AOX1: variants seen among roughly 807,000 people sequenced by gnomAD.
The protein encoded by AOX1 is aldehyde oxidase 1, also known as aldehyde oxidase.
Under a neutral mutation model 169.5 loss-of-function variants are expected in AOX1, and 153 were observed. The ratio of observed to expected loss-of-function variants is 0.90; its 90% confidence interval spans 0.79 to 1.03. The LOEUF (loss-of-function observed/expected upper bound fraction) is 1.03. Among genes scored for constraint, AOX1 ranks in the 50% least tolerant of loss-of-function variants. The pLI is 0.00. For missense variants in AOX1, 1,656 were observed against 1,663.9 expected, an observed-to-expected ratio of 1.00 and a Z score of 0.08; for synonymous variants, 562 against 581.9, an observed-to-expected ratio of 0.97 and a Z score of 0.49.
rs1207495656 is a variant in AOX1 at position 200,602,291 on chromosome 2, G to A, written c.444G>A (p.Leu148=). 1 of 1,613,828 alleles carries A rather than the reference G, an allele frequency of 6.2e-7. No homozygotes were observed. The highest frequency in any genetic ancestry group is 8.5e-7 in the Non-Finnish European group (1 of 1,179,928). ...DQLTDALGGN[L]CRCTGYRPII... ...TGGGTTTTTCTCCTTCAGGTAACCTGTGCCGTTGCACTGGATACAGGCCCA... is the reference window on the plus strand; with the variant it reads ...TGGGTTTTTCTCCTTCAGGTAACCTATGCCGTTGCACTGGATACAGGCCCA... The change falls in exon 6 of 35, where the codon CTG becomes CTA. Residue 148 remains leucine, a synonymous_variant. Coordinates refer to ENST00000374700, the MANE Select transcript of AOX1 (RefSeq NM_001159.4).
intron 27 of AOX1, among the ~76,000 whole-genome samples, chr2:200,657,952 C>T (rs961052949): frequency 2.6e-5 from 4 of 152,274 alleles, no homozygotes; most frequent in African/African-American, 9.6e-5. Flanking sequence ...TTTTTCCACC[C>T]ACTTTATATA....
At chr2:200,614,851 A>G (rs1417556690) in intron 15 of AOX1, among the ~76,000 whole-genome samples, 2 of 152,214 alleles carry the variant, frequency 1.3e-5, no homozygotes, top group African/African-American at 2.4e-5. Context: ...GAAATCATAG[A>G]TAAGTGACAT....
chr2:200,629,058 A>G (rs1171259094), intron 20 of AOX1, among the ~76,000 whole-genome samples: 2 of 152,188 alleles, frequency 1.3e-5, no homozygotes, highest in African/African-American at 2.4e-5. Flanking sequence ...GAGCTGTGTA[A>G]TATGTCACCA....
chr2:200,627,695 G>A (rs1574934398), intron 20 of AOX1, among the ~76,000 whole-genome samples: 2 of 151,906 alleles, frequency 1.3e-5, no homozygotes, highest in Non-Finnish European at 2.9e-5. Context: ...CCTCATCAAG[G>A]CTCCAGTTGT....
At chr2:200,663,035 C>G in intron 31 of AOX1, 66 bp downstream of exon 31, 2 of 1,258,510 alleles carry the variant, frequency 1.6e-6, no homozygotes, top group Non-Finnish European at 2.3e-6. Flanking sequence ...CAGATGCCAT[C>G]TATCTGAGGA....
rs765053434 is a variant in AOX1 at position 200,642,792 on chromosome 2, C to A, written c.2838C>A (p.Ser946=). The change falls in exon 25 of 35, where the codon TCC becomes TCA. Residue 946 remains serine (S), a synonymous_variant. Transcript: ENST00000374700. ...ITEVAAKCGL[S]PEKVRIINMY... ...AAGTTGCAGCCAAATGTGGACTATC[C>A]CCTGAGAAGGTAATACTAAATCAGC... 6.2e-7 allele frequency: 1 copy of A among 1,612,776 alleles called. No individual in the cohort carries two copies. Among genetic ancestry groups the A allele is most frequent in the Non-Finnish European group, 8.5e-7 (1 of 1,179,402 alleles).
At chr2:200,665,681 C>G (rs749342250) in intron 31 of AOX1, among the ~76,000 whole-genome samples, 1 of 152,210 alleles carries the variant, frequency 6.6e-6, no homozygotes, top group Non-Finnish European at 1.5e-5. Flanking sequence ...ATCTGCCCCC[C>G]TCGGCCTCCC....
Position 200,662,922 on chromosome 2 carries a change from G to A in AOX1, c.3496G>A (p.Ala1166Thr), listed in dbSNP as rs1456075706. 6.2e-7 allele frequency: 1 copy of A among 1,614,124 alleles called. No homozygotes were observed. Among genetic ancestry groups the A allele is most frequent in the East Asian group, 2.2e-5 (1 of 44,882 alleles). Residue 1166 changes from alanine (A) to threonine (T), a missense_variant, in exon 31 of 35, where the codon GCT (alanine) becomes ACT (threonine). Transcript: ENST00000374700. ...GQPFEYFVYGAACSEVEIDCL... is the reference protein window; with the variant it reads ...GQPFEYFVYGTACSEVEIDCL... ...GCCCTTCGAATACTTTGTTTATGGA[G>A]CTGCCTGTTCCGAGGTTGAAATAGA...
chr2:200,603,865 C>A, intron 7 of AOX1, 152 bp from the exon 8 acceptor site: 1 of 600,256 alleles, frequency 1.7e-6, no homozygotes. Flanking sequence ...TGTGTTAGAG[C>A]CCTTGGTTTG....
intron 16 of AOX1, among the ~76,000 whole-genome samples, chr2:200,620,182 G>T (rs1261400975): frequency 6.7e-6 from 1 of 148,204 alleles, no homozygotes; most frequent in Non-Finnish European, 1.5e-5. Flanking sequence ...TTATTGTCTT[G>T]GTGTTATTAA....
At chr2:200,611,561 T>C (rs778450260) in intron 13 of AOX1, 68 bp downstream of exon 13, 6 of 1,034,738 alleles carry the variant, frequency 5.8e-6, no homozygotes, top group Middle Eastern at 2.0e-4. Context: ...TTCCAGTATA[T>C]GGTGGAATAA....
chr2:200,664,556 A>C (rs2035892337), intron 31 of AOX1, among the ~76,000 whole-genome samples: 1 of 152,266 alleles, frequency 6.6e-6, no homozygotes, highest in Non-Finnish European at 1.5e-5. Context: ...TAATTAGCCT[A>C]GTATGAAATT....
At chr2:200,658,006 G>C (rs2035729457) in intron 27 of AOX1, among the ~76,000 whole-genome samples, 1 of 152,306 alleles carries the variant, frequency 6.6e-6, no homozygotes, top group Non-Finnish European at 1.5e-5. Context: ...TTACAATCAT[G>C]AATTGTATGT....
At chr2:200,660,535 A>G (rs1219298654) in intron 29 of AOX1, among the ~76,000 whole-genome samples, 2 of 152,210 alleles carry the variant, frequency 1.3e-5, no homozygotes, top group Non-Finnish European at 2.9e-5. Flanking sequence ...TAGGTACTCA[A>G]TGGAATGGAA....
At chr2:200,617,757 G>A (rs936479171) in intron 16 of AOX1, among the ~76,000 whole-genome samples, 1 of 152,040 alleles carries the variant, frequency 6.6e-6, no homozygotes, top group African/African-American at 2.4e-5. Flanking sequence ...ACTTCTTAGG[G>A]TTTTAAAAAG....
intron 30 of AOX1, among the ~76,000 whole-genome samples, 179 bp from the exon 31 acceptor site, chr2:200,662,676 A>G (rs770796115): frequency 6.6e-6 from 1 of 152,232 alleles, no homozygotes; most frequent in African/African-American, 2.4e-5. Context: ...CAAGTTTTAA[A>G]AGAAAAAACT....
At chr2:200,664,482 T>C (rs1321843111) in intron 31 of AOX1, among the ~76,000 whole-genome samples, 2 of 152,228 alleles carry the variant, frequency 1.3e-5, no homozygotes, top group Non-Finnish European at 2.9e-5. Context: ...GAAAACTTAG[T>C]CATGTGGATT....
At chr2:200,637,143 T>A in intron 22 of AOX1, 99 bp downstream of exon 22, 1 of 1,420,178 alleles carries the variant, frequency 7.0e-7, no homozygotes, top group East Asian at 2.4e-5. Context: ...TTATTTAATA[T>A]CACATATACG....
chr2:200,606,699 T>G (rs761196354), intron 10 of AOX1, among the ~76,000 whole-genome samples: 12 of 152,184 alleles, frequency 7.9e-5, no homozygotes, highest in Non-Finnish European at 1.0e-4. Flanking sequence ...GTCCTTAACA[T>G]CCCTTGTAAA....
Sources: allele counts gnomAD v4.1 joint callset (sites outside exome capture counted in the v4.1 genomes callset), GRCh38; gene constraint gnomAD v4.1.1; transcripts MANE v1.5; gene names NCBI Gene and HGNC (gene_info 2026-07-23, HGNC 2026-07-21).